The following CTNNA1 variants were observed in gnomAD, a reference collection of about 807,000 sequenced individuals.
CTNNA1 encodes catenin alpha 1, also known as catenin alpha-1.
In CTNNA1, 37 loss-of-function variants were observed where a neutral mutation model predicts 98.4. The observed-to-expected ratio is 0.38, with a 90% CI of 0.29 to 0.49. CTNNA1 has a LOEUF of 0.49. CTNNA1 is among the 20% of genes least tolerant of loss of function. CTNNA1 has a pLI of 0.95. For missense variants in CTNNA1, 761 were observed against 1,147.2 expected (o/e 0.66, Z 4.86); for synonymous variants, 404 against 413.2 (o/e 0.98, Z 0.27).
intron 6 of CTNNA1, among the ~76,000 whole-genome samples, chr5:138,825,129 T>TA (rs1487967134): frequency 2.6e-5 from 4 of 152,170 alleles, no homozygotes; most frequent in African/African-American, 9.7e-5. Context: ...CTATGGTAGA[T>TA]ACAGAAACTA....
intron 3 of CTNNA1, among the ~76,000 whole-genome samples, chr5:138,795,471 A>T (rs546517089): frequency 6.6e-6 from 1 of 152,262 alleles, no homozygotes; most frequent in African/African-American, 2.4e-5. Context: ...AAAAAAAGAA[A>T]AAAGAAAAAA....
chr5:138,798,168 G>C (rs781729103), intron 3 of CTNNA1, among the ~76,000 whole-genome samples: 2 of 152,180 alleles, frequency 1.3e-5, no homozygotes, highest in Non-Finnish European at 2.9e-5. Context: ...ACTGGAAAAA[G>C]TAGATGGAAA....
At chr5:138,920,098 C>T (rs1406829609) in intron 11 of CTNNA1, among the ~76,000 whole-genome samples, 1 of 151,710 alleles carries the variant, frequency 6.6e-6, no homozygotes. Flanking sequence ...CCTGCCTCAG[C>T]CTCCCGAGTA....
chr5:138,810,471 A>G (rs1281702446), intron 4 of CTNNA1, among the ~76,000 whole-genome samples: 1 of 152,164 alleles, frequency 6.6e-6, no homozygotes, highest in Non-Finnish European at 1.5e-5. Context: ...TCCAGTAATG[A>G]TTAAATATTT....
intron 1 of CTNNA1, among the ~76,000 whole-genome samples, chr5:138,763,075 C>T (rs913318564): frequency 6.8e-6 from 1 of 146,164 alleles, no homozygotes; most frequent in Non-Finnish European, 1.5e-5. Flanking sequence ...CTCATCAACT[C>T]TCTTGAAAGT....
chr5:138,873,654 G>T lies in CTNNA1; in HGVS notation c.1063-12558G>T, dbSNP rs1750922430. On this transcript the variant is annotated intron_variant, in intron 7 of 17. Coordinates refer to ENST00000302763, the MANE Select transcript of CTNNA1 (RefSeq NM_001903.5). The surrounding 1 kb of genome is among the most constrained non-coding windows in gnomAD (Gnocchi z 6.1). ...TTGCCAGAGAGACCAACGGTTGTGA[G>T]GGATCTCAGGGAGTTTAAGATCTTG... 6.2e-7 allele frequency: 1 copy of T among 1,613,906 alleles called. No homozygotes were observed. The highest frequency in any genetic ancestry group is 1.7e-5 in the Admixed American group (1 of 60,004).
intron 5 of CTNNA1, among the ~76,000 whole-genome samples, chr5:138,813,568 C>T (rs550353014): frequency 7.9e-5 from 12 of 152,254 alleles, no homozygotes; most frequent in South Asian, 2.1e-4. Flanking sequence ...GGGTAGGCAA[C>T]GTGCTATGAC....
At chr5:138,871,813 T>C (rs966443213) in intron 7 of CTNNA1, 4 of 152,268 alleles carry the variant, frequency 2.6e-5, no homozygotes, top group East Asian at 1.9e-4. Context: ...CGTATCTTTA[T>C]TGAAAGATCG....
At chr5:138,789,025 A>G (rs888463813) in intron 3 of CTNNA1, among the ~76,000 whole-genome samples, 4 of 152,190 alleles carry the variant, frequency 2.6e-5, no homozygotes, top group Admixed American at 6.5e-5. Flanking sequence ...ATATTTGCTC[A>G]GTAAAGGGGC....
intron 9 of CTNNA1, among the ~76,000 whole-genome samples, chr5:138,894,190 A>G (rs868542162): frequency 4.0e-5 from 6 of 151,812 alleles, no homozygotes; most frequent in Admixed American, 6.6e-5. Flanking sequence ...AAGTGCTAGG[A>G]TTACAGGTGT....
At chr5:138,792,979 TTTCTC>T (rs1356372543) in intron 3 of CTNNA1, among the ~76,000 whole-genome samples, 1 of 152,194 alleles carries the variant, frequency 6.6e-6, no homozygotes, top group Admixed American at 6.5e-5. Flanking sequence ...TTCATCCTGT[TTTCTC>T]CTCTTATTTT....
chr5:138,763,207 C>A (rs1225958899), intron 1 of CTNNA1, among the ~76,000 whole-genome samples: 1 of 152,114 alleles, frequency 6.6e-6, no homozygotes. Flanking sequence ...AGACTACATA[C>A]AGACTGTTCT....
chr5:138,902,277 T>C (rs1043025804), intron 9 of CTNNA1, among the ~76,000 whole-genome samples: 22 of 152,212 alleles, frequency 1.4e-4, no homozygotes, highest in African/African-American at 4.3e-4. Context: ...TAAATATTTT[T>C]CTGAGTTTTA....
rs140124029 is a variant in CTNNA1 at position 138,849,989 on chromosome 5, A to AACACAC, written c.1062+22284_1062+22289dup. ...GAAATATTTTTTGTAGATACAATAA[A>AACACAC]ACACACACACACACACACTCTCTCT... is the stretch of plus-strand genomic sequence containing the variant. On this transcript the variant is annotated intron_variant, in intron 7 of 17. Transcript: ENST00000302763. 4.2e-3 allele frequency among the ~76,000 whole-genome samples: 637 copies of AACACAC among 151,188 alleles called. 9 individuals are homozygous for AACACAC. Among genetic ancestry groups the AACACAC allele is most frequent in the African/African-American group, 0.01 (433 of 41,246 alleles).
intron 7 of CTNNA1, among the ~76,000 whole-genome samples, chr5:138,842,428 G>A (rs1161572424): frequency 3.3e-5 from 5 of 152,164 alleles, no homozygotes; most frequent in South Asian, 4.1e-4. Flanking sequence ...AAAAATAGCC[G>A]AAGCCACTGT....
chr5:138,925,984 T>C (rs1473661450), intron 13 of CTNNA1, among the ~76,000 whole-genome samples: 1 of 152,172 alleles, frequency 6.6e-6, no homozygotes, highest in Non-Finnish European at 1.5e-5. Context: ...CGGCATACCG[T>C]CCTGCTCTCT....
At chr5:138,905,407 A>G (rs780731736) in intron 10 of CTNNA1, among the ~76,000 whole-genome samples, 4 of 152,232 alleles carry the variant, frequency 2.6e-5, no homozygotes, top group Non-Finnish European at 5.9e-5. Context: ...ACATCTGGCC[A>G]TCCTGGAACC....
At position 138,878,091 on chromosome 5, in the gene CTNNA1, A is replaced by G. The variant is rs147390958; in HGVS notation, c.1063-8121A>G. Among the ~76,000 whole-genome samples the G allele has an allele frequency of 2.6e-5, 4 of 152,302 alleles. No homozygotes were observed. Among genetic ancestry groups the G allele is most frequent in the Admixed American group, 2.0e-4 (3 of 15,302 alleles). ...TTATAACAGATTTGTGGGCAAGGAAAATTGCCCAGAGAAGCATCAGTGCAA... is the reference window on the plus strand; with the variant it reads ...TTATAACAGATTTGTGGGCAAGGAAGATTGCCCAGAGAAGCATCAGTGCAA... On this transcript the variant is annotated intron_variant, in intron 7 of 17. Transcript: ENST00000302763.
chr5:138,763,651 C>G (rs564780668), intron 1 of CTNNA1, among the ~76,000 whole-genome samples: 1 of 152,288 alleles, frequency 6.6e-6, no homozygotes, highest in African/African-American at 2.4e-5. Flanking sequence ...CCTGAGTTTA[C>G]AATCCAAATT....
Sources: gnomAD v4.1 joint callset for allele counts (sites outside exome capture counted in the v4.1 genomes callset) on GRCh38, gnomAD v4.1.1 for gene constraint, Gnocchi (gnomAD v3.1) non-coding constraint, MANE v1.5 for transcripts, NCBI Gene and HGNC (gene_info 2026-07-23, HGNC 2026-07-21) for gene names.